Variants in NOL4 observed in about 807,000 individuals in gnomAD.
NOL4 encodes the protein cancer/testis antigen 125.
In NOL4, 17 loss-of-function variants were observed where a neutral mutation model predicts 75.9. The observed-to-expected ratio is 0.22, with a 90% confidence interval of 0.15 to 0.34. NOL4 has a LOEUF of 0.34. Ranked by LOEUF, NOL4 falls within the 10% of genes least tolerant of loss-of-function variation. The pLI, the probability that NOL4 is intolerant of heterozygous loss-of-function variation, is 1.00. For synonymous variants in NOL4, 292 were observed against 289.9 expected (o/e 1.01, Z -0.07); for missense variants, 614 against 793.5 (o/e 0.77, Z 2.72).
intron 9 of NOL4, among the ~76,000 whole-genome samples, chr18:33,924,762 T>C (rs1314026600): frequency 2.0e-5 from 3 of 152,214 alleles, no homozygotes; most frequent in African/African-American, 4.8e-5. Flanking sequence ...CTAAAATATG[T>C]AGTGCTGATA....
intron 2 of NOL4, among the ~76,000 whole-genome samples, chr18:34,116,728 A>G (rs1391500005): frequency 1.3e-5 from 2 of 152,208 alleles, no homozygotes; most frequent in East Asian, 3.9e-4. Context: ...GTTTTGCTCT[A>G]TTTTTTCAGA....
intron 9 of NOL4, among the ~76,000 whole-genome samples, chr18:33,914,471 A>C (rs1357079796): frequency 6.6e-6 from 1 of 152,118 alleles, no homozygotes; most frequent in Non-Finnish European, 1.5e-5. Flanking sequence ...GTTTTCAGTC[A>C]AATAATAATG....
intron 9 of NOL4, among the ~76,000 whole-genome samples, chr18:33,932,037 T>C (rs1371759099): frequency 1.3e-5 from 2 of 152,134 alleles, no homozygotes; most frequent in African/African-American, 2.4e-5. Context: ...CATATACATG[T>C]CAGAGGACAC....
intron 6 of NOL4, among the ~76,000 whole-genome samples, chr18:33,958,948 C>A (rs1212802625): frequency 2.6e-5 from 4 of 152,048 alleles, no homozygotes; most frequent in Non-Finnish European, 5.9e-5. Flanking sequence ...AAGAGCTATA[C>A]AAAATATTAT....
chr18:33,968,727 C>T (rs1361956203), intron 6 of NOL4, among the ~76,000 whole-genome samples: 1 of 152,106 alleles, frequency 6.6e-6, no homozygotes, highest in East Asian at 1.9e-4. Context: ...ACTTTAGCAT[C>T]ATGCAATATG....
intron 9 of NOL4, among the ~76,000 whole-genome samples, chr18:33,936,576 G>T (rs1273539454): frequency 1.3e-5 from 2 of 151,838 alleles, no homozygotes; most frequent in Non-Finnish European, 2.9e-5. Context: ...TCAACCATTG[G>T]TTTCCCGTGT....
intron 5 of NOL4, among the ~76,000 whole-genome samples, chr18:34,072,032 A>C (rs1474423894): frequency 6.6e-6 from 1 of 152,140 alleles, no homozygotes; most frequent in Non-Finnish European, 1.5e-5. Context: ...GGAGTTCGAG[A>C]CCAGCCTGAC....
intron 9 of NOL4, among the ~76,000 whole-genome samples, chr18:33,930,653 G>T (rs1289272367): frequency 6.6e-6 from 1 of 152,072 alleles, no homozygotes; most frequent in Non-Finnish European, 1.5e-5. Flanking sequence ...ATATTTATAG[G>T]TTATTAAAAC....
chr18:34,165,771 A>G (rs58118859), intron 1 of NOL4, among the ~76,000 whole-genome samples: 2,094 of 152,206 alleles, frequency 0.014, 54 homozygotes, highest in African/African-American at 0.048. Flanking sequence ...TAATCAAACC[A>G]GAGGTGATTC....
chr18:34,176,282 G>A (rs1166323566), intron 1 of NOL4, among the ~76,000 whole-genome samples: 1 of 151,748 alleles, frequency 6.6e-6, no homozygotes, highest in African/African-American at 2.4e-5. Context: ...TATTATCTGA[G>A]GAACAAAAAC....
At chr18:33,872,623 A>G (rs1357005350) in intron 10 of NOL4, among the ~76,000 whole-genome samples, 2 of 152,018 alleles carry the variant, frequency 1.3e-5, no homozygotes, top group Admixed American at 6.6e-5. Context: ...GTACTGTCCA[A>G]CTGAAACTTC....
chr18:34,199,573 A>G (rs765543095), intron 1 of NOL4, among the ~76,000 whole-genome samples: 9 of 151,826 alleles, frequency 5.9e-5, no homozygotes, highest in Non-Finnish European at 1.2e-4. Context: ...CCCAGCCCAA[A>G]CCATAAAAGC....
rs993377401 is a variant in NOL4 at position 33,877,317 on chromosome 18, A to T, written c.1723+5927T>A. On this transcript the variant is annotated intron_variant, in intron 10 of 10. Coordinates refer to ENST00000261592, the MANE Select transcript of NOL4 (RefSeq NM_003787.5). The stretch of plus-strand genomic sequence containing the variant: ...TCCTGTCTCAAAAAATAATTAAAAA[A>T]ATCAAATTAAAAATTAGCCAGGTGT... 2.2e-4 allele frequency among the ~76,000 whole-genome samples: 34 copies of T among 151,978 alleles called. 1 individual carries two copies. The Middle Eastern group carries it at 0.01, about 46-fold the overall frequency.
At chr18:33,882,357 A>G (rs1386314333) in intron 10 of NOL4, among the ~76,000 whole-genome samples, 1 of 152,162 alleles carries the variant, frequency 6.6e-6, no homozygotes, top group East Asian at 1.9e-4. Flanking sequence ...ACAAATTTAC[A>G]AGAAAAAAAC....
At chr18:33,891,877 T>C (rs1047610471) in intron 9 of NOL4, among the ~76,000 whole-genome samples, 6 of 152,136 alleles carry the variant, frequency 3.9e-5, no homozygotes, top group African/African-American at 1.4e-4. Context: ...ACACTGGCCT[T>C]GTAGGGATTC....
intron 5 of NOL4, among the ~76,000 whole-genome samples, chr18:34,036,425 G>T (rs1417478411): frequency 1.3e-5 from 2 of 152,110 alleles, no homozygotes; most frequent in African/African-American, 4.8e-5. Context: ...TCATGTAAAA[G>T]CTTCAACCAA....
At chr18:34,131,646 T>C (rs2080656597) in intron 1 of NOL4, among the ~76,000 whole-genome samples, 1 of 152,162 alleles carries the variant, frequency 6.6e-6, no homozygotes, top group Admixed American at 6.6e-5. Context: ...TTAGTCTGTA[T>C]TTATTGTTTA....
chr18:34,123,333 G>A (rs1271451106), intron 2 of NOL4, among the ~76,000 whole-genome samples: 1 of 151,088 alleles, frequency 6.6e-6, no homozygotes, highest in Non-Finnish European at 1.5e-5. Context: ...TTCCTTCTGA[G>A]ATGTTGTACA....
At chr18:34,024,190 A>ATATATATATATATATAT (rs1322401512) in intron 5 of NOL4, among the ~76,000 whole-genome samples, 1 of 69,672 alleles carries the variant, frequency 1.4e-5, no homozygotes. Context: ...GGAAAAAAAA[A>ATATATATATATATATAT]AAAAATATAT....
Sources: allele counts gnomAD v4.1 joint callset (sites outside exome capture counted in the v4.1 genomes callset), GRCh38; gene constraint gnomAD v4.1.1; transcripts MANE v1.5; gene names NCBI Gene and HGNC (gene_info 2026-07-23, HGNC 2026-07-21).